Variants in ITGA8 observed in about 807,000 individuals in gnomAD.
ITGA8 encodes integrin subunit alpha 8.
A neutral mutation model predicts 142.3 loss-of-function variants in ITGA8; 91 were observed. The ratio of observed to expected loss-of-function variants is 0.64; its 90% CI spans 0.54 to 0.76. ITGA8 has a LOEUF of 0.76. ITGA8 is among the 30% of genes least tolerant of loss of function. ITGA8 has a pLI of 0.00. For missense variants in ITGA8, 1,406 were observed against 1,327.7 expected (o/e 1.06, Z -0.92); for synonymous variants, 505 against 485.2 (o/e 1.04, Z -0.54).
intron 11 of ITGA8, among the ~76,000 whole-genome samples, chr10:15,649,055 GGGTGGGATCCCAA>G (rs1834038590): frequency 6.6e-6 from 1 of 152,102 alleles, no homozygotes; most frequent in African/African-American, 2.4e-5. Flanking sequence ...CATTAGACCT[GGGTGGGATCCCAA>G]GGTGGGCTCT....
At chr10:15,701,007 T>A (rs923870906) in intron 2 of ITGA8, among the ~76,000 whole-genome samples, 5 of 152,210 alleles carry the variant, frequency 3.3e-5, no homozygotes, top group Non-Finnish European at 7.3e-5. Flanking sequence ...AGAGATGTTG[T>A]CTGCTTCACC....
At chr10:15,538,525 A>AC (rs1833499860) in intron 27 of ITGA8, among the ~76,000 whole-genome samples, 1 of 150,952 alleles carries the variant, frequency 6.6e-6, no homozygotes, top group African/African-American at 2.5e-5. Flanking sequence ...AAAAAAAAAA[A>AC]AAAAAACTAT....
intron 4 of ITGA8, among the ~76,000 whole-genome samples, chr10:15,681,360 G>C (rs938622021): frequency 6.6e-6 from 1 of 152,152 alleles, no homozygotes; most frequent in South Asian, 2.1e-4. Context: ...GGAATAGGGA[G>C]ACCAGGAGGA....
chr10:15,676,616 G>A (rs1834635742), intron 6 of ITGA8, among the ~76,000 whole-genome samples: 1 of 152,160 alleles, frequency 6.6e-6, no homozygotes, highest in Non-Finnish European at 1.5e-5. Flanking sequence ...ACTCATTAAT[G>A]TGTCCCCAGC....
intron 2 of ITGA8, among the ~76,000 whole-genome samples, chr10:15,689,113 A>G (rs1003469656): frequency 3.3e-5 from 5 of 152,230 alleles, no homozygotes; most frequent in African/African-American, 1.2e-4. Flanking sequence ...CCAAGAAACT[A>G]TTTGAAAATG....
intron 13 of ITGA8, among the ~76,000 whole-genome samples, chr10:15,622,848 A>G (rs968459026): frequency 6.6e-6 from 1 of 152,238 alleles, no homozygotes; most frequent in African/African-American, 2.4e-5. Flanking sequence ...TGTGACTAAT[A>G]AATATATGAA....
At chr10:15,629,899 G>C (rs1279416843) in intron 13 of ITGA8, among the ~76,000 whole-genome samples, 2 of 152,046 alleles carry the variant, frequency 1.3e-5, no homozygotes, top group Admixed American at 6.5e-5. Flanking sequence ...CTGCACCCCA[G>C]TCTTGGTGAC....
chr10:15,642,333 G>T (rs1833886172), intron 13 of ITGA8, among the ~76,000 whole-genome samples: 1 of 152,084 alleles, frequency 6.6e-6, no homozygotes, highest in Non-Finnish European at 1.5e-5. Flanking sequence ...CTGGCTATGT[G>T]ATGGATACAT....
intron 8 of ITGA8, among the ~76,000 whole-genome samples, chr10:15,663,092 T>C (rs959765238): frequency 1.3e-5 from 2 of 152,022 alleles, no homozygotes; most frequent in African/African-American, 4.8e-5. Context: ...AGGATCCATA[T>C]TAAGAACCCA....
In ITGA8 at chr10:15,519,380, A is replaced by G; in HGVS notation, c.3015T>C (p.Asn1005=). The change falls in exon 29 of 30, where the codon AAT becomes AAC. Residue 1005 remains asparagine (N), a synonymous_variant. Coordinates refer to ENST00000378076, the MANE Select transcript of ITGA8 (RefSeq NM_003638.3). The stretch of plus-strand genomic sequence containing the variant: ...CCCATAATGGGATTGAGAAGGAAAC[A>G]TTCGGAGTTGCCCAAATAACTGATG... The part of the protein sequence containing the change: ...IKTSVIWATP[N]VSFSIPLWVI... The G allele has an allele frequency of 6.2e-7, 1 of 1,613,830 alleles. No individual in the cohort carries two copies. The highest frequency in any genetic ancestry group is 8.5e-7 in the Non-Finnish European group (1 of 1,179,818).
At chr10:15,640,496 A>G (rs1012738573) in intron 13 of ITGA8, among the ~76,000 whole-genome samples, 9 of 152,250 alleles carry the variant, frequency 5.9e-5, no homozygotes, top group African/African-American at 2.2e-4. Flanking sequence ...ACTGGTTTGG[A>G]AAAATCACAA....
At chr10:15,663,292 G>A (rs192379961) in intron 8 of ITGA8, among the ~76,000 whole-genome samples, 2 of 152,050 alleles carry the variant, frequency 1.3e-5, no homozygotes, top group Non-Finnish European at 2.9e-5. Flanking sequence ...TCCATTTTCA[G>A]ATATTTTATT....
chr10:15,539,057 G>A (rs1430907657), intron 27 of ITGA8, among the ~76,000 whole-genome samples: 1 of 150,472 alleles, frequency 6.6e-6, no homozygotes, highest in Non-Finnish European at 1.5e-5. Context: ...ATTTCTGGAA[G>A]ATATGTTGTA....
In ITGA8 at chr10:15,530,343, C is replaced by T. The variant is rs531633361; in HGVS notation, c.2982+707G>A. ...CGGGCGGATCACAAGTTCAGGAGTT[C>T]GAGATCAGCCTGGCCAACATGGTGA... On this transcript the variant is annotated intron_variant, in intron 28 of 29. Coordinates refer to ENST00000378076, the MANE Select transcript of ITGA8 (RefSeq NM_003638.3). Among the ~76,000 whole-genome samples the T allele has an allele frequency of 5.3e-5, 8 of 151,954 alleles. No individual in the cohort carries two copies. In the East Asian group the frequency reaches 7.8e-4, roughly 15 times the overall value.
chr10:15,559,311 C>G (rs575067707), intron 25 of ITGA8, among the ~76,000 whole-genome samples: 1 of 152,324 alleles, frequency 6.6e-6, no homozygotes, highest in East Asian at 1.9e-4. Flanking sequence ...GCCCCAGGTA[C>G]ACTCGCCAAG....
intron 26 of ITGA8, among the ~76,000 whole-genome samples, chr10:15,557,471 G>A (rs1451670): frequency 0.91 from 138,407 of 152,224 alleles, 63,875 homozygotes; most frequent in Non-Finnish European, 0.99. Flanking sequence ...ACAGACCCCA[G>A]TGCTAAGACT....
At chr10:15,710,326 A>G (rs1835340613) in intron 2 of ITGA8, among the ~76,000 whole-genome samples, 1 of 152,192 alleles carries the variant, frequency 6.6e-6, no homozygotes, top group African/African-American at 2.4e-5. Flanking sequence ...TAATGGTTAT[A>G]TAATATTTAA....
At chr10:15,688,505 C>T (rs1485647994) in intron 2 of ITGA8, among the ~76,000 whole-genome samples, 1 of 151,914 alleles carries the variant, frequency 6.6e-6, no homozygotes, top group Non-Finnish European at 1.5e-5. Flanking sequence ...ATCCAAGGGC[C>T]AGCATTATCC....
In ITGA8 at chr10:15,552,465, C is replaced by T. The variant is rs111477119; in HGVS notation, c.2767-3897G>A. Reference sequence around the variant, plus strand: ...ACTTTGATTTTTCAAATCATTAATACTGCATATGTTTGGACATTGGTTTTT... The same window carrying T: ...ACTTTGATTTTTCAAATCATTAATATTGCATATGTTTGGACATTGGTTTTT... On this transcript the variant is annotated intron_variant, in intron 26 of 29. Coordinates refer to ENST00000378076, the MANE Select transcript of ITGA8 (RefSeq NM_003638.3). 1.9e-3 allele frequency among the ~76,000 whole-genome samples: 288 copies of T among 152,290 alleles called. 2 individuals carry two copies. The highest frequency in any genetic ancestry group is 6.8e-3 in the African/African-American group (281 of 41,552).
Sources: allele counts gnomAD v4.1 joint callset (sites outside exome capture counted in the v4.1 genomes callset), GRCh38; gene constraint gnomAD v4.1.1; transcripts MANE v1.5; gene names NCBI Gene and HGNC (gene_info 2026-07-23, HGNC 2026-07-21).